The following CDH4 variants were observed in gnomAD, a reference collection of about 807,000 sequenced individuals.
The protein encoded by CDH4 is cadherin-4.
Under a neutral mutation model 86.0 loss-of-function variants are expected in CDH4, and 33 were observed. That is an observed-to-expected ratio of 0.38 (90% CI 0.29 to 0.51). The LOEUF (loss-of-function observed/expected upper bound fraction) is 0.51, where lower values mean the gene tolerates loss of function less well. Ranked by LOEUF, CDH4 falls within the 20% of genes least tolerant of loss-of-function variation. The pLI, the probability that CDH4 is intolerant of heterozygous loss-of-function variation, is 0.86. For synonymous variants in CDH4, 555 were observed against 549.4 expected (o/e 1.01, Z -0.14); for missense variants, 1,114 against 1,307.4 (o/e 0.85, Z 2.28).
chr20:61,581,709 G>A (rs771631010), intron 2 of CDH4, among the ~76,000 whole-genome samples: 5 of 152,148 alleles, frequency 3.3e-5, no homozygotes, highest in Admixed American at 6.5e-5. Flanking sequence ...CCAAGGCCCC[G>A]ACTGCATCAG....
chr20:61,413,903 A>G (rs773968716), intron 2 of CDH4, among the ~76,000 whole-genome samples: 7 of 151,978 alleles, frequency 4.6e-5, no homozygotes, highest in Non-Finnish European at 8.8e-5. Flanking sequence ...AACATGGCTC[A>G]TTTTCTTACC....
At position 61,254,900 on chromosome 20, in the gene CDH4, C is replaced by G. The variant is rs758123734; in HGVS notation, c.132C>G (p.Ile44Met). ...GFSEDDYTAL[I>M]SQNILEGEKL... ...CTGAAGATGATTACACGGCATTAAT[C>G]TCCCAAAATATTCTAGAAGGGGAAA... is the stretch of plus-strand genomic sequence containing the variant. Residue 44 changes from isoleucine (I) to methionine (M), a missense_variant, in exon 2 of 16, where the codon ATC becomes ATG. Physicochemically the swap from Ile to Met is conservative, Grantham distance 10. Transcript: ENST00000614565. 1 of 1,612,868 alleles carries G rather than the reference C, an allele frequency of 6.2e-7. No individual in the cohort carries two copies. The highest frequency in any genetic ancestry group is 1.7e-5 in the Admixed American group (1 of 60,014).
At chr20:61,335,193 T>C (rs1439613847) in intron 2 of CDH4, among the ~76,000 whole-genome samples, 1 of 152,326 alleles carries the variant, frequency 6.6e-6, no homozygotes, top group East Asian at 1.9e-4. Context: ...GCCCAGCCGA[T>C]CTGGGATGAA....
chr20:61,636,606 G>A (rs1408454844), intron 2 of CDH4, among the ~76,000 whole-genome samples: 2 of 152,348 alleles, frequency 1.3e-5, no homozygotes, highest in East Asian at 1.9e-4. Context: ...CGAGGCTCTG[G>A]CCTCTCTTCC....
chr20:61,716,911 AAAAT>A (rs1017924869), intron 2 of CDH4, among the ~76,000 whole-genome samples: 26 of 152,304 alleles, frequency 1.7e-4, no homozygotes, highest in African/African-American at 5.5e-4. Flanking sequence ...CTATCTCAAA[AAAAT>A]AAATAAATAA....
chr20:61,327,572 C>T (rs1477477874), intron 2 of CDH4, among the ~76,000 whole-genome samples: 1 of 152,058 alleles, frequency 6.6e-6, no homozygotes, highest in Non-Finnish European at 1.5e-5. Flanking sequence ...GTCAGATTGG[C>T]GAAGATTAGA....
intron 2 of CDH4, among the ~76,000 whole-genome samples, chr20:61,723,396 G>A (rs922150466): frequency 2.6e-5 from 4 of 152,176 alleles, no homozygotes; most frequent in Admixed American, 6.5e-5. Flanking sequence ...TGCAGCTGCC[G>A]TTTAAATGAG....
At chr20:61,536,956 C>T (rs544401932) in intron 2 of CDH4, among the ~76,000 whole-genome samples, 1 of 152,302 alleles carries the variant, frequency 6.6e-6, no homozygotes, top group African/African-American at 2.4e-5. Flanking sequence ...GCTCCAGTGC[C>T]TGGGAGTGTC....
At position 61,928,381 on chromosome 20, in the gene CDH4, C is replaced by T. The variant is rs1228837257; in HGVS notation, c.1963C>T (p.Pro655Ser). The T allele has an allele frequency of 6.2e-7, 1 of 1,611,834 alleles. No individual in the cohort carries two copies. The highest frequency in any genetic ancestry group is 1.1e-5 in the South Asian group (1 of 91,086). ...GPYVFELPFVPAAVRKNWTIT... is the reference protein window; with the variant it reads ...GPYVFELPFVSAAVRKNWTIT... ...CTACGTCTTCGAGCTGCCCTTTGTCCCGGCGGCCGTGCGGAAGAACTGGAC... is the reference window on the plus strand; with the variant it reads ...CTACGTCTTCGAGCTGCCCTTTGTCTCGGCGGCCGTGCGGAAGAACTGGAC... The change falls in exon 12 of 16, where the codon CCG becomes TCG. Residue 655 changes from proline to serine, a missense_variant. Transcript: ENST00000614565.
chr20:61,446,027 G>A (rs1386482345), intron 2 of CDH4, among the ~76,000 whole-genome samples: 1 of 152,236 alleles, frequency 6.6e-6, no homozygotes, highest in African/African-American at 2.4e-5. Context: ...CAAGGAAACT[G>A]TGGGTGCGCA....
intron 2 of CDH4, among the ~76,000 whole-genome samples, chr20:61,268,638 C>T (rs758388016): frequency 1.4e-4 from 22 of 152,016 alleles, no homozygotes; most frequent in Non-Finnish European, 2.9e-4. Flanking sequence ...TGAGTGAGTT[C>T]CCACTCTGTT....
rs138193277 is a variant in CDH4 at position 61,271,772 on chromosome 20, C to T, written c.169+16835C>T. On this transcript the variant is annotated intron_variant, in intron 2 of 15. Coordinates refer to ENST00000614565, the MANE Select transcript of CDH4 (RefSeq NM_001794.5). The stretch of plus-strand genomic sequence containing the variant: ...CCCTCACGAGATGGTTCTGTCACAA[C>T]GCCATGGTCCTGGTTTTGCCTTTTT... Among the ~76,000 whole-genome samples, 15 of 152,350 alleles carry T rather than the reference C, an allele frequency of 9.8e-5. No individual in the cohort carries two copies. In the East Asian group the frequency reaches 1.4e-3, roughly 14 times the overall value.
chr20:61,775,744 AC>A (rs1180061547), intron 4 of CDH4, among the ~76,000 whole-genome samples: 2 of 152,138 alleles, frequency 1.3e-5, no homozygotes, highest in African/African-American at 4.8e-5. Flanking sequence ...CTGCTTGCAC[AC>A]CACAGAGTGG....
intron 2 of CDH4, among the ~76,000 whole-genome samples, chr20:61,720,060 G>A (rs1403750107): frequency 1.3e-5 from 2 of 152,152 alleles, no homozygotes; most frequent in Non-Finnish European, 2.9e-5. Context: ...AGAAGGAGGC[G>A]GTAGTGGAGG....
intron 2 of CDH4, among the ~76,000 whole-genome samples, chr20:61,724,524 G>A (rs1224227959): frequency 1.3e-5 from 2 of 152,226 alleles, no homozygotes; most frequent in Admixed American, 1.3e-4. Flanking sequence ...TGCAGTGTTG[G>A]CTCTACCAAA....
At chr20:61,872,984 G>A (rs1301095636) in intron 6 of CDH4, among the ~76,000 whole-genome samples, 1 of 152,242 alleles carries the variant, frequency 6.6e-6, no homozygotes, top group Non-Finnish European at 1.5e-5. Context: ...AGGAAAGGCT[G>A]CACAGCCAAA....
intron 2 of CDH4, among the ~76,000 whole-genome samples, chr20:61,521,282 G>A (rs1376382677): frequency 2.0e-5 from 3 of 152,158 alleles, no homozygotes; most frequent in South Asian, 2.1e-4. Context: ...TGACAGGAAC[G>A]GCCTCTGAGA....
chr20:61,817,592 G>T (rs999485734), intron 4 of CDH4, among the ~76,000 whole-genome samples: 1 of 151,930 alleles, frequency 6.6e-6, no homozygotes, highest in Non-Finnish European at 1.5e-5. Context: ...CCTGTCCTGC[G>T]CACTTTGTCA....
chr20:61,321,113 C>T (rs936866973), intron 2 of CDH4, among the ~76,000 whole-genome samples: 41 of 152,302 alleles, frequency 2.7e-4, no homozygotes, highest in South Asian at 1.9e-3. Flanking sequence ...TCAGCCACAC[C>T]GCACATTTCC....
Sources: allele counts gnomAD v4.1 joint callset (sites outside exome capture counted in the v4.1 genomes callset), GRCh38; gene constraint gnomAD v4.1.1; transcripts MANE v1.5; gene names NCBI Gene and HGNC (gene_info 2026-07-23, HGNC 2026-07-21).